Variants in HRK observed in about 807,000 individuals in gnomAD.
HRK encodes harakiri, BCL2 interacting protein.
A neutral mutation model predicts 5.9 loss-of-function variants in HRK; 6 were observed. The ratio of observed to expected loss-of-function variants is 1.02; its 90% CI spans 0.56 to 2.01. The LOEUF is 2.01. Ranked by LOEUF, HRK falls within the 30% of genes most tolerant of loss-of-function variation. The probability of loss-of-function intolerance (pLI) is 0.00; values close to 1 mark genes in which losing one functional copy is unlikely to be tolerated. For missense variants in HRK, 133 were observed against 128.3 expected, an observed-to-expected ratio of 1.04 and a Z score of -0.18; for synonymous variants, 85 against 65.1, an observed-to-expected ratio of 1.31 and a Z score of -1.47.
intron 1 of HRK, among the ~76,000 whole-genome samples, chr12:116,864,043 C>G (rs1392636786): frequency 6.6e-6 from 1 of 152,128 alleles, no homozygotes; most frequent in Non-Finnish European, 1.5e-5. Flanking sequence ...ACAGTAGGAA[C>G]TCTGCATTGT....
At chr12:116,863,666 A>T (rs1456748965) in intron 1 of HRK, among the ~76,000 whole-genome samples, 1 of 151,948 alleles carries the variant, frequency 6.6e-6, no homozygotes, top group Non-Finnish European at 1.5e-5. Flanking sequence ...GACAGTCACA[A>T]GGATCCAAAT....
In HRK at chr12:116,881,133, C is replaced by T. The variant is rs918351930; in HGVS notation, c.175G>A (p.Ala59Thr). Residue 59 changes from alanine to threonine, a missense_variant, in exon 1 of 2, where the codon GCG (alanine) becomes ACG (threonine). Ala to Thr is a moderately conservative substitution (Grantham distance 58). Transcript: ENST00000257572. ...MWRRRARSRRAPAPGALPTYW... is the reference protein window; with the variant it reads ...MWRRRARSRRTPAPGALPTYW... The stretch of plus-strand genomic sequence containing the variant: ...GTGGGGAGCGCGCCGGGCGCCGGCG[C>T]CCTCCGGCTCCGCGCGCGGCGCCGC... 29 of 1,203,620 alleles carry T rather than the reference C, an allele frequency of 2.4e-5. No homozygotes were observed. The African/African-American group carries it at 3.8e-4, about 16-fold the overall frequency. The allele number at this position is 1,203,620 out of a possible 1,614,324, so 74.6% of individuals were successfully genotyped here. A position where few individuals can be genotyped will look rare whatever the true frequency, so the allele number is the denominator to read the frequency against.
At chr12:116,863,790 C>G (rs1327332647) in intron 1 of HRK, among the ~76,000 whole-genome samples, 2 of 152,028 alleles carry the variant, frequency 1.3e-5, no homozygotes, top group African/African-American at 2.4e-5. Context: ...CCTCGACCTC[C>G]TGAGCTCAAG....
chr12:116,875,142 T>C (rs1358904723), intron 1 of HRK, among the ~76,000 whole-genome samples: 1 of 152,244 alleles, frequency 6.6e-6, no homozygotes, highest in African/African-American at 2.4e-5. Flanking sequence ...GTATTATAAG[T>C]AATCTAAAGA....
intron 1 of HRK, among the ~76,000 whole-genome samples, chr12:116,872,367 A>T (rs972147666): frequency 1.3e-5 from 2 of 152,156 alleles, no homozygotes; most frequent in Non-Finnish European, 2.9e-5. Flanking sequence ...TTCATCTCAA[A>T]ACAAACAAAC....
chr12:116,870,701 G>A (rs931800731), intron 1 of HRK, among the ~76,000 whole-genome samples: 2 of 152,096 alleles, frequency 1.3e-5, no homozygotes, highest in African/African-American at 4.8e-5. Context: ...TACCGGAGAG[G>A]CAAAGGTAGG....
Position 116,858,850 on chromosome 12 carries a change from A to G in HRK, c.*2673T>C, listed in dbSNP as rs1020279194. The G allele has an allele frequency of 6.6e-6, 1 of 151,928 alleles. No homozygotes were observed. The highest frequency in any genetic ancestry group is 1.5e-5 in the Non-Finnish European group (1 of 68,016). 9.4% of individuals were successfully genotyped at this position (151,928 alleles called of 1,614,324 possible). ...TTTAAAAAACAAGAACCACCCCACT[A>G]TCTCATGCAATCCAAGTAATACAAC... On this transcript the variant is annotated 3_prime_UTR_variant, in exon 2 of 2. Transcript: ENST00000257572.
rs1000167863 is a variant in HRK, at chr12:116,881,270, G to C, written c.38C>G (p.Pro13Arg). Residue 13 changes from proline (P) to arginine (R), a missense_variant, in exon 1 of 2, where the codon CCG becomes CGG. Coordinates refer to ENST00000257572, the MANE Select transcript of HRK (RefSeq NM_003806.4). ...PCPLHRGRGP[P>R]AVCACSAGRL... ...ACCCGCGCTGCAGGCGCACACGGCC[G>C]GGGGGCCGCGGCCGCGGTGCAGGGG... 6.5e-6 allele frequency: 7 copies of C among 1,078,732 alleles called. No individual in the cohort carries two copies. The highest frequency in any genetic ancestry group is 7.8e-6 in the Non-Finnish European group (7 of 892,080). The allele number at this position is 1,078,732 out of a possible 1,614,324, so 66.8% of individuals were successfully genotyped here.
intron 1 of HRK, among the ~76,000 whole-genome samples, chr12:116,865,088 T>C (rs1878492197): frequency 6.6e-6 from 1 of 152,182 alleles, no homozygotes; most frequent in South Asian, 2.1e-4. Context: ...CTCCGTGGGC[T>C]GCAGTGATGT....
intron 1 of HRK, among the ~76,000 whole-genome samples, chr12:116,880,653 T>C (rs946326164): frequency 6.6e-6 from 1 of 152,110 alleles, no homozygotes; most frequent in South Asian, 2.1e-4. Context: ...CACTTTTTAC[T>C]TGCATTGTGT....
At position 116,859,641 on chromosome 12, in the gene HRK, T is replaced by G. The variant is rs912856765; in HGVS notation, c.*1882A>C. On this transcript the variant is annotated 3_prime_UTR_variant, in exon 2 of 2. Transcript: ENST00000257572. ...TCCCAAAATAAGCATTATTCTTCTT[T>G]TTTTTTTTTTGGTTTGCTGAGTTCA... 6.6e-6 allele frequency: 1 copy of G among 151,168 alleles called. No individual in the cohort carries two copies. The highest frequency in any genetic ancestry group is 1.9e-4 in the East Asian group (1 of 5,170). The allele number at this position is 151,168 out of a possible 1,614,324, so 9.4% of individuals were successfully genotyped here.
intron 1 of HRK, among the ~76,000 whole-genome samples, chr12:116,867,444 A>G (rs560502066): frequency 6.6e-6 from 1 of 152,164 alleles, no homozygotes; most frequent in South Asian, 2.1e-4. Flanking sequence ...GCGCCCGGCC[A>G]CAAAAAATTT....
In HRK at chr12:116,860,745, T is replaced by C. The variant is rs1393334683; in HGVS notation, c.*778A>G. ...AAAAAAAGAATCTGAAACAGCAAAA[T>C]AGAAATCTCTCTTGTCCCCTGGCCT... On this transcript the variant is annotated 3_prime_UTR_variant, in exon 2 of 2. Coordinates refer to ENST00000257572, the MANE Select transcript of HRK (RefSeq NM_003806.4). 6.9e-6 allele frequency: 1 copy of C among 145,838 alleles called. No homozygotes were observed. Among genetic ancestry groups the C allele is most frequent in the Admixed American group, 6.9e-5 (1 of 14,598 alleles). The allele number at this position is 145,838 out of a possible 1,614,324, so 9.0% of individuals were successfully genotyped here. A position where few individuals can be genotyped will look rare whatever the true frequency, so the allele number is the denominator to read the frequency against.
Position 116,858,134 on chromosome 12 carries a change from A to AAG in HRK, c.*3388_*3389insCT. The AAG allele has an allele frequency of 6.6e-6, 1 of 150,640 alleles. No homozygotes were observed. The highest frequency in any genetic ancestry group is 1.5e-5 in the Non-Finnish European group (1 of 67,668). The allele number at this position is 150,640 out of a possible 1,614,324, so 9.3% of individuals were successfully genotyped here. ...AAGGCGGCTAAAAAAAAAAAAAAAA[A>AAG]ACGAACAAAAAAACAGGAACTGGGC... On this transcript the variant is annotated 3_prime_UTR_variant, in exon 2 of 2. Transcript: ENST00000257572.
chr12:116,857,791 T>C lies in HRK; in HGVS notation c.*3732A>G, dbSNP rs11068210. On this transcript the variant is annotated 3_prime_UTR_variant, in exon 2 of 2. Transcript: ENST00000257572. ...AGTGGAGGCTGAGCTCGGTGGCTCA[T>C]GCCTGTAATCCCAGCACTTTGGGAG... The C allele has an allele frequency of 0.027, 4,048 of 152,296 alleles. 156 individuals carry two copies. Among genetic ancestry groups the C allele is most frequent in the East Asian group, 0.13 (657 of 5,176 alleles). The allele number at this position is 152,296 out of a possible 1,614,324, so 9.4% of individuals were successfully genotyped here. A position where few individuals can be genotyped will look rare whatever the true frequency, so the allele number is the denominator to read the frequency against.
intron 1 of HRK, among the ~76,000 whole-genome samples, chr12:116,863,683 C>G (rs777088765): frequency 6.6e-6 from 1 of 151,580 alleles, no homozygotes; most frequent in Non-Finnish European, 1.5e-5. Context: ...AAATCAGTGA[C>G]TTCAAACCTT....
Position 116,858,211 on chromosome 12 carries a change from C to T in HRK, c.*3312G>A, listed in dbSNP as rs1189111843. 3 of 147,746 alleles carry T rather than the reference C, an allele frequency of 2.0e-5. No individual in the cohort carries two copies. The highest frequency in any genetic ancestry group is 4.4e-5 in the Non-Finnish European group (3 of 67,510). The allele number at this position is 147,746 out of a possible 1,614,324, so 9.2% of individuals were successfully genotyped here. On this transcript the variant is annotated 3_prime_UTR_variant, in exon 2 of 2. Coordinates refer to ENST00000257572, the MANE Select transcript of HRK (RefSeq NM_003806.4). ...AACCCAAAAAAAAACAAAACAGGAA[C>T]TGGGGTCTAGGACATGCGCACGGCC...
At chr12:116,875,513 T>C (rs931779833) in intron 1 of HRK, among the ~76,000 whole-genome samples, 6 of 152,108 alleles carry the variant, frequency 3.9e-5, no homozygotes, top group African/African-American at 1.4e-4. Context: ...TGGGAAACAA[T>C]AGTGACTATG....
rs116810743 is a variant in HRK at position 116,862,688 on chromosome 12, C to T, written c.*57-1222G>A. ...GTATACTCCTCATCATTGACTTGTA[C>T]ACCTTAAAAAGGTAGGGTTTTTTGT... On this transcript the variant is annotated intron_variant, in intron 1 of 1. Transcript: ENST00000257572. The surrounding 1 kb of genome is among the most constrained non-coding windows in gnomAD (Gnocchi z 4.0). Among the ~76,000 whole-genome samples, 2,252 of 152,154 alleles carry T rather than the reference C, an allele frequency of 0.015. 67 individuals are homozygous for T. Among genetic ancestry groups the T allele is most frequent in the African/African-American group, 0.051 (2,095 of 41,472 alleles).
Sources: gnomAD v4.1 joint callset for allele counts (sites outside exome capture counted in the v4.1 genomes callset) on GRCh38, gnomAD v4.1.1 for gene constraint, Gnocchi (gnomAD v3.1) non-coding constraint, MANE v1.5 for transcripts, NCBI Gene and HGNC (gene_info 2026-07-23, HGNC 2026-07-21) for gene names.